FDPS: variants seen among roughly 807,000 people sequenced by gnomAD.
FDPS encodes farnesyl pyrophosphate synthase.
FDPS carries 29 observed loss-of-function variants against 49.5 expected under a neutral mutation model. That is an observed-to-expected ratio of 0.59 (90% CI 0.44 to 0.80). The LOEUF (loss-of-function observed/expected upper bound fraction) is 0.80. FDPS is among the 30% of genes least tolerant of loss of function. The probability of loss-of-function intolerance (pLI) is 0.00; values close to 1 mark genes in which losing one functional copy is unlikely to be tolerated. For synonymous variants in FDPS, 172 were observed against 206.4 expected (o/e 0.83, Z 1.43); for missense variants, 414 against 525.6 (o/e 0.79, Z 2.08).
intron 3 of FDPS, among the ~76,000 whole-genome samples, chr1:155,310,626 T>G (rs1648702744): frequency 6.6e-6 from 1 of 152,078 alleles, no homozygotes; most frequent in Admixed American, 6.6e-5. Context: ...AGCTTTTACC[T>G]GAGGGACTCG....
At chr1:155,320,100 A>G in intron 10 of FDPS, 172 bp downstream of exon 10, 2 of 773,730 alleles carry the variant, frequency 2.6e-6, no homozygotes, top group Non-Finnish European at 4.2e-6. Flanking sequence ...TCTAGTTGGC[A>G]GGAGCCAAAG....
chr1:155,309,772 C>T lies in FDPS; in HGVS notation c.-1-17C>T, dbSNP rs745570593. 20 of 1,525,584 alleles carry T rather than the reference C, an allele frequency of 1.3e-5. No homozygotes were observed. The highest frequency in any genetic ancestry group is 1.0e-4 in the South Asian group (8 of 78,788). 94.5% of individuals were successfully genotyped at this position (1,525,584 alleles called of 1,614,324 possible). A position where few individuals can be genotyped will look rare whatever the true frequency, so the allele number is the denominator to read the frequency against. ...CTGCAGGGAGTGCTTAGTGCCCCCTCCCTATGCCACTCCCAGGATGCCCCT... is the reference window on the plus strand; with the variant it reads ...CTGCAGGGAGTGCTTAGTGCCCCCTTCCTATGCCACTCCCAGGATGCCCCT... On this transcript the variant is annotated splice_polypyrimidine_tract_variant and intron_variant, in intron 1 of 10. Transcript: ENST00000368356.
intron 3 of FDPS, among the ~76,000 whole-genome samples, chr1:155,311,379 G>T (rs1448338267): frequency 6.6e-6 from 1 of 152,150 alleles, no homozygotes; most frequent in Non-Finnish European, 1.5e-5. Flanking sequence ...GCAGCAGAAG[G>T]CAAAGTGAGA....
At position 155,319,694 on chromosome 1, in the gene FDPS, A is replaced by G. The variant is rs781033064; in HGVS notation, c.924+6A>G. The G allele has an allele frequency of 6.2e-7, 1 of 1,614,174 alleles. No individual in the cohort carries two copies. Among genetic ancestry groups the G allele is most frequent in the South Asian group, 1.1e-5 (1 of 91,080 alleles). ...GGGAGTTCTTTCAGATTCAGGTAAG[A>G]AGGCAGGAGGCAGTAGCAGAGAACA... On this transcript the variant is annotated splice_donor_region_variant and intron_variant, in intron 9 of 10. Transcript: ENST00000368356.
At position 155,309,976 on chromosome 1, in the gene FDPS, T is replaced by G. The variant is rs1445291521; in HGVS notation, c.176+11T>G. On this transcript the variant is annotated intron_variant, in intron 2 of 10. Transcript: ENST00000368356. ...GACAGAGGAACCTCGGTGAGTGTGG[T>G]TGGGGTGAGGGGCCTTGGGGAGGGG... The G allele has an allele frequency of 1.9e-6, 3 of 1,609,216 alleles. No individual in the cohort carries two copies. Among genetic ancestry groups the G allele is most frequent in the Non-Finnish European group, 2.5e-6 (3 of 1,176,878 alleles).
intron 4 of FDPS, 91 bp downstream of exon 4, chr1:155,312,486 G>T: frequency 1.4e-6 from 2 of 1,417,132 alleles, no homozygotes. Context: ...CTTATTTCTG[G>T]GTTGTGTTTG....
Position 155,318,522 on chromosome 1 carries a change from C to G in FDPS, c.685-143C>G. The G allele has an allele frequency of 1.2e-6, 1 of 829,596 alleles. No homozygotes were observed. The allele number at this position is 829,596 out of a possible 1,614,324, so 51.4% of individuals were successfully genotyped here. A position where few individuals can be genotyped will look rare whatever the true frequency, so the allele number is the denominator to read the frequency against. ...AAGGACTGTGTGTATGAATATGGGC[C>G]TTAAGTTTTGGGGCTTTCTCCCCTT... On this transcript the variant is annotated intron_variant, in intron 6 of 10. Transcript: ENST00000368356. The surrounding 1 kb of genome is among the most constrained non-coding windows in gnomAD (Gnocchi z 4.2).
rs529587733 is a variant in FDPS, at chr1:155,315,572, A to G, written c.481-2369A>G. Among the ~76,000 whole-genome samples, 248 of 152,030 alleles carry G rather than the reference A, an allele frequency of 1.6e-3. 1 individual carries two copies. The highest frequency in any genetic ancestry group is 5.6e-3 in the African/African-American group (233 of 41,474). On this transcript the variant is annotated intron_variant, in intron 4 of 10. Coordinates refer to ENST00000368356, the MANE Select transcript of FDPS (RefSeq NM_002004.4). ...GTGGCAGGCGCCTGTAGTCCCAGCT[A>G]TTTGGGAGGCTGAGGTAGGAGAATG... is the stretch of plus-strand genomic sequence containing the variant.
chr1:155,317,906 G>C, intron 4 of FDPS, 35 bp from the exon 5 acceptor site: 1 of 1,578,280 alleles, frequency 6.3e-7, no homozygotes, highest in African/African-American at 1.3e-5. Context: ...GAACAGTAAT[G>C]AGGAGCCCTG....
Position 155,318,470 on chromosome 1 carries a change from C to T in FDPS, c.684+179C>T, listed in dbSNP as rs555028332. ...TAGTGGCAAGAAAGGGCTTCTCTGT[C>T]CTGTGTAATTGGAAGAAAGGGTGAT... On this transcript the variant is annotated intron_variant, in intron 6 of 10. Coordinates refer to ENST00000368356, the MANE Select transcript of FDPS (RefSeq NM_002004.4). The surrounding 1 kb of genome is among the most constrained non-coding windows in gnomAD (Gnocchi z 4.2). The T allele has an allele frequency of 3.5e-6, 3 of 861,082 alleles. No homozygotes were observed. The highest frequency in any genetic ancestry group is 2.6e-5 in the East Asian group (1 of 38,846). 53.3% of individuals were successfully genotyped at this position (861,082 alleles called of 1,614,324 possible).
intron 4 of FDPS, among the ~76,000 whole-genome samples, chr1:155,313,372 G>C (rs1648999333): frequency 6.6e-6 from 1 of 152,214 alleles, no homozygotes; most frequent in Non-Finnish European, 1.5e-5. Flanking sequence ...CTGGGTTCTG[G>C]GAGGGGTGCC....
intron 4 of FDPS, among the ~76,000 whole-genome samples, chr1:155,315,705 A>T (rs1200768709): frequency 4.0e-5 from 6 of 150,898 alleles, no homozygotes; most frequent in African/African-American, 1.2e-4. Flanking sequence ...AAAAACAAAA[A>T]ACAAAAAAAA....
chr1:155,312,040 A>G (rs1648855898), intron 3 of FDPS, among the ~76,000 whole-genome samples: 1 of 152,256 alleles, frequency 6.6e-6, no homozygotes, highest in African/African-American at 2.4e-5. Flanking sequence ...CCATGCAGAA[A>G]GAATGTGCCT....
At position 155,312,193 on chromosome 1, in the gene FDPS, G is replaced by C. The variant is rs1030279499; in HGVS notation, c.340-62G>C. 5.7e-6 allele frequency: 9 copies of C among 1,591,680 alleles called. No homozygotes were observed. The African/African-American group carries it at 1.1e-4, about 19-fold the overall frequency. On this transcript the variant is annotated intron_variant, in intron 3 of 10. Transcript: ENST00000368356. The stretch of plus-strand genomic sequence containing the variant: ...GGTTGGAAATGGGAGAGAGCAAGGA[G>C]AAAACTCACAGTAGCTGCTGTATGG...
intron 3 of FDPS, 85 bp downstream of exon 3, chr1:155,310,290 C>T: frequency 1.8e-6 from 2 of 1,122,520 alleles, no homozygotes; most frequent in Non-Finnish European, 2.6e-6. Context: ...TTATGGGGGA[C>T]TTTTGACAGA....
chr1:155,320,445 C>G lies in FDPS; in HGVS notation c.1096C>G (p.Arg366Gly). 1 of 1,613,642 alleles carries G rather than the reference C, an allele frequency of 6.2e-7. No homozygotes were observed. The highest frequency in any genetic ancestry group is 1.3e-5 in the African/African-American group (1 of 74,996). The part of the protein sequence containing the change: ...YGQKEAEKVA[R>G]VKALYEELDL... Reference sequence around the variant, plus strand: ...GCAGAAGGAGGCTGAGAAAGTGGCCCGGGTGAAGGCGCTATATGAGGAGCT... The same window carrying G: ...GCAGAAGGAGGCTGAGAAAGTGGCCGGGGTGAAGGCGCTATATGAGGAGCT... The change falls in exon 11 of 11, where the codon CGG (arginine) becomes GGG (glycine). Residue 366 changes from arginine (R) to glycine (G), a missense_variant. Physicochemically the swap from Arg to Gly is moderately radical, Grantham distance 125. Transcript: ENST00000368356.
At chr1:155,316,354 T>G (rs1649405283) in intron 4 of FDPS, among the ~76,000 whole-genome samples, 2 of 146,948 alleles carry the variant, frequency 1.4e-5, no homozygotes, top group African/African-American at 5.2e-5. Context: ...TGCGCTGGTG[T>G]GTGCCTATAT....
intron 4 of FDPS, among the ~76,000 whole-genome samples, chr1:155,314,727 C>T (rs1011310469): frequency 9.2e-5 from 14 of 151,476 alleles, no homozygotes; most frequent in South Asian, 4.2e-4. Flanking sequence ...CTGCCTGCCT[C>T]GGCCTCCCAG....
At chr1:155,309,572 G>T (rs1218664677) in intron 1 of FDPS, 4 of 486,088 alleles carry the variant, frequency 8.2e-6, no homozygotes, top group Middle Eastern at 5.4e-4. Context: ...CCTGTTTATT[G>T]TAAGTGGTGA....
Sources: gnomAD v4.1 joint callset for allele counts (sites outside exome capture counted in the v4.1 genomes callset) on GRCh38, gnomAD v4.1.1 for gene constraint, Gnocchi (gnomAD v3.1) non-coding constraint, MANE v1.5 for transcripts, NCBI Gene and HGNC (gene_info 2026-07-23, HGNC 2026-07-21) for gene names.